The following RBMS3 variants were observed in gnomAD, a reference collection of about 807,000 sequenced individuals.
The protein encoded by RBMS3 is RNA-binding motif, single-stranded-interacting protein 3.
Under a neutral mutation model 66.8 loss-of-function variants are expected in RBMS3, and 27 were observed. The ratio of observed to expected loss-of-function variants is 0.40; its 90% CI spans 0.30 to 0.56. The LOEUF is 0.56. RBMS3 is among the 20% of genes least tolerant of loss of function. RBMS3 has a pLI of 0.40. For missense variants in RBMS3, 513 were observed against 549.5 expected (o/e 0.93, Z 0.66); for synonymous variants, 188 against 183.0 (o/e 1.03, Z -0.22).
chr3:29,375,633 C>A (rs1269686069), intron 1 of RBMS3, among the ~76,000 whole-genome samples: 1 of 152,078 alleles, frequency 6.6e-6, no homozygotes, highest in Non-Finnish European at 1.5e-5. Flanking sequence ...TAGAGAAATG[C>A]AAATCAAAAG....
chr3:29,633,965 C>G (rs1559525153), intron 4 of RBMS3, among the ~76,000 whole-genome samples: 2 of 151,804 alleles, frequency 1.3e-5, no homozygotes, highest in South Asian at 4.2e-4. Flanking sequence ...AACTAACCTG[C>G]CAATATCTTA....
In RBMS3 at chr3:29,546,368, G is replaced by A. The variant is rs565546792; in HGVS notation, c.308-40746G>A. On this transcript the variant is annotated intron_variant, in intron 3 of 14. Transcript: ENST00000383767. ...AGGATTCAAGCGCCTGTAGGTTGTG[G>A]TATAAACATTTTCCTCAACTGCCTC... Among the ~76,000 whole-genome samples the A allele has an allele frequency of 6.0e-4, 92 of 152,174 alleles. 1 individual carries two copies. The highest frequency in any genetic ancestry group is 2.1e-3 in the African/African-American group (86 of 41,522).
chr3:29,633,412 A>C, intron 4 of RBMS3, among the ~76,000 whole-genome samples: 1 of 151,902 alleles, frequency 6.6e-6, no homozygotes, highest in South Asian at 2.1e-4. Context: ...GTGGCATATC[A>C]GATTATTTTT....
chr3:29,955,720 G>A (rs1695988968), intron 12 of RBMS3, among the ~76,000 whole-genome samples: 3 of 151,962 alleles, frequency 2.0e-5, no homozygotes, highest in Admixed American at 1.3e-4. Context: ...GCTCCTTTCA[G>A]ACTCACAGGA....
intron 3 of RBMS3, among the ~76,000 whole-genome samples, chr3:29,501,627 C>T (rs1237982299): frequency 6.6e-6 from 1 of 152,156 alleles, no homozygotes; most frequent in African/African-American, 2.4e-5. Context: ...ACCAACATCT[C>T]TATCTTTTGT....
chr3:29,523,004 G>A (rs2044926692), intron 3 of RBMS3, among the ~76,000 whole-genome samples: 1 of 152,218 alleles, frequency 6.6e-6, no homozygotes, highest in Non-Finnish European at 1.5e-5. Flanking sequence ...ACTGCTATGA[G>A]TGTCATTCAT....
chr3:29,580,365 TA>T (rs1279581807), intron 3 of RBMS3, among the ~76,000 whole-genome samples: 2 of 152,134 alleles, frequency 1.3e-5, no homozygotes, highest in Admixed American at 6.6e-5. Context: ...CATACATATA[TA>T]CATAAATTTA....
At position 29,947,759 on chromosome 3, in the gene RBMS3, A is replaced by T. The variant is rs540646051; in HGVS notation, c.1098+3505A>T. Among the ~76,000 whole-genome samples the T allele has an allele frequency of 5.9e-5, 9 of 151,496 alleles. No homozygotes were observed. In the South Asian group the frequency reaches 1.7e-3, roughly 28 times the overall value. On this transcript the variant is annotated intron_variant, in intron 12 of 14. Coordinates refer to ENST00000383767, the MANE Select transcript of RBMS3 (RefSeq NM_001003793.3). ...CATAGTAAAATGCCATTTTCTATAC[A>T]TGGTTGGGTTTTATGAAACACCTAT...
intron 7 of RBMS3, among the ~76,000 whole-genome samples, chr3:29,871,180 G>A (rs1024255993): frequency 1.2e-4 from 18 of 152,026 alleles, no homozygotes; most frequent in African/African-American, 4.3e-4. Context: ...TGTTTTTGTT[G>A]TTGCTGTTTT....
intron 4 of RBMS3, among the ~76,000 whole-genome samples, chr3:29,667,018 C>T (rs1489531827): frequency 6.6e-6 from 1 of 151,972 alleles, no homozygotes; most frequent in East Asian, 1.9e-4. Flanking sequence ...ACTCAATAAG[C>T]CAATGTTTGA....
Position 29,500,418 on chromosome 3 carries a change from A to AAT in RBMS3, c.307+11931_307+11932dup, listed in dbSNP as rs955102153. Among the ~76,000 whole-genome samples the AAT allele has an allele frequency of 4.9e-4, 72 of 148,412 alleles. 1 individual carries two copies. The South Asian group carries it at 0.011, about 22-fold the overall frequency. On this transcript the variant is annotated intron_variant, in intron 3 of 14. Coordinates refer to ENST00000383767, the MANE Select transcript of RBMS3 (RefSeq NM_001003793.3). ...TAAGAATAACTCCAAGTGAAATATAAATATATATATATAATTTTATTATAT... is the reference window on the plus strand; with the variant it reads ...TAAGAATAACTCCAAGTGAAATATAAATATATATATATATAATTTTATTATAT...
At chr3:29,516,176 T>C (rs2044611028) in intron 3 of RBMS3, among the ~76,000 whole-genome samples, 1 of 152,224 alleles carries the variant, frequency 6.6e-6, no homozygotes. Context: ...CAACTGCATC[T>C]GTGATGATCG....
At chr3:29,704,280 C>G (rs1023828744) in intron 4 of RBMS3, among the ~76,000 whole-genome samples, 1 of 152,174 alleles carries the variant, frequency 6.6e-6, no homozygotes, top group Non-Finnish European at 1.5e-5. Context: ...TTGGGGACCC[C>G]TGATTTAATC....
At chr3:29,660,028 G>A (rs2050474940) in intron 4 of RBMS3, among the ~76,000 whole-genome samples, 1 of 151,996 alleles carries the variant, frequency 6.6e-6, no homozygotes, top group South Asian at 2.1e-4. Flanking sequence ...CGTTTTTATT[G>A]TGCAAGACTT....
intron 5 of RBMS3, among the ~76,000 whole-genome samples, chr3:29,751,126 G>A (rs917855475): frequency 6.6e-6 from 1 of 151,988 alleles, no homozygotes; most frequent in Admixed American, 6.6e-5. Flanking sequence ...GACAACATGA[G>A]GGAAACTCTC....
intron 6 of RBMS3, among the ~76,000 whole-genome samples, chr3:29,838,422 G>A (rs192718914): frequency 6.6e-6 from 1 of 152,202 alleles, no homozygotes; most frequent in East Asian, 1.9e-4. Flanking sequence ...TGATTATGAT[G>A]AGAACACTTG....
intron 4 of RBMS3, among the ~76,000 whole-genome samples, chr3:29,733,357 T>C (rs1016479501): frequency 2.2e-5 from 3 of 137,138 alleles, no homozygotes; most frequent in Non-Finnish European, 4.7e-5. Context: ...CTTTTTCATA[T>C]AGTTATTTCC....
intron 4 of RBMS3, among the ~76,000 whole-genome samples, chr3:29,637,786 T>C (rs1455170198): frequency 6.6e-6 from 1 of 152,000 alleles, no homozygotes; most frequent in East Asian, 1.9e-4. Context: ...CATAACAACA[T>C]GGGCACTGGA....
chr3:29,983,221 G>T (rs528222186), intron 12 of RBMS3, among the ~76,000 whole-genome samples: 2 of 147,708 alleles, frequency 1.4e-5, no homozygotes, highest in East Asian at 3.9e-4. Flanking sequence ...CAGAGACTAG[G>T]ATTGCAACCC....
Sources: allele counts gnomAD v4.1 joint callset (sites outside exome capture counted in the v4.1 genomes callset), GRCh38; gene constraint gnomAD v4.1.1; transcripts MANE v1.5; gene names NCBI Gene and HGNC (gene_info 2026-07-23, HGNC 2026-07-21).